JAK2: variants seen among roughly 807,000 people sequenced by gnomAD.
JAK2 encodes the protein Janus kinase 2.
JAK2 carries 86 observed loss-of-function variants against 139.3 expected under a neutral mutation model. The observed-to-expected ratio is 0.62, with a 90% CI of 0.52 to 0.74. The LOEUF (loss-of-function observed/expected upper bound fraction) is 0.74, where lower values mean the gene tolerates loss of function less well. Ranked by LOEUF, JAK2 falls within the 30% of genes least tolerant of loss-of-function variation. JAK2 has a pLI of 0.00. For synonymous variants in JAK2, 490 were observed against 437.7 expected (o/e 1.12, Z -1.49); for missense variants, 1,421 against 1,360.3 (o/e 1.04, Z -0.70).
intron 5 of JAK2, among the ~76,000 whole-genome samples, chr9:5,045,271 T>C (rs1816921678): frequency 1.3e-5 from 2 of 152,142 alleles, no homozygotes; most frequent in Non-Finnish European, 2.9e-5. Flanking sequence ...GCTAATATTG[T>C]AGGAAACAAG....
intron 4 of JAK2, 137 bp from the exon 5 acceptor site, chr9:5,044,265 AT>A: frequency 1.2e-5 from 7 of 603,594 alleles, no homozygotes; most frequent in Non-Finnish European, 2.0e-5. Flanking sequence ...TTTGTCTCAC[AT>A]TTATATTTAA....
intron 2 of JAK2, among the ~76,000 whole-genome samples, chr9:4,999,296 A>C (rs1331336613): frequency 6.6e-6 from 1 of 152,192 alleles, no homozygotes; most frequent in Non-Finnish European, 1.5e-5. Context: ...TCTTAAGTGA[A>C]AGAATCATGA....
At position 5,102,196 on chromosome 9, in the gene JAK2, A is replaced by G. The variant is rs556666355; in HGVS notation, c.3059+11285A>G. ...ATAAACAGTGTAGAGAAGACCTTAA[A>G]TGACCTGATGGAGCTGAAAACCATG... On this transcript the variant is annotated intron_variant, in intron 22 of 24. Coordinates refer to ENST00000381652, the MANE Select transcript of JAK2 (RefSeq NM_004972.4). Among the ~76,000 whole-genome samples, 57 of 152,328 alleles carry G rather than the reference A, an allele frequency of 3.7e-4. No individual in the cohort carries two copies. In the South Asian group the frequency reaches 5.0e-3, roughly 13 times the overall value.
intron 22 of JAK2, chr9:5,112,748 C>A: frequency 2.9e-6 from 2 of 686,844 alleles, no homozygotes; most frequent in Non-Finnish European, 4.5e-6. Context: ...TTTGAAACGG[C>A]GAGAAGAGAA....
In JAK2 at chr9:5,128,930, T is replaced by C. The variant is rs1218271311; in HGVS notation, c.*2139T>C. Among the ~76,000 whole-genome samples the C allele has an allele frequency of 2.0e-5, 3 of 152,040 alleles. No individual in the cohort carries two copies. The highest frequency in any genetic ancestry group is 4.4e-5 in the Non-Finnish European group (3 of 67,890). Reference sequence around the variant, plus strand: ...ATGTAATTCTGTAACTATTCCAGTATATTAAGTTATACAATCTTTATATAA... The same window carrying C: ...ATGTAATTCTGTAACTATTCCAGTACATTAAGTTATACAATCTTTATATAA... On this transcript the variant is annotated 3_prime_UTR_variant, in exon 25 of 25. Coordinates refer to ENST00000381652, the MANE Select transcript of JAK2 (RefSeq NM_004972.4).
chr9:4,989,998 G>T (rs534420348), intron 2 of JAK2, among the ~76,000 whole-genome samples: 1 of 152,228 alleles, frequency 6.6e-6, no homozygotes, highest in Admixed American at 6.5e-5. Flanking sequence ...AGCAGCACCA[G>T]TGCTAGGTCT....
Position 5,090,602 on chromosome 9 carries a change from G to A in JAK2, c.2886+32G>A, listed in dbSNP as rs145818829. 66 of 1,549,872 alleles carry A rather than the reference G, an allele frequency of 4.3e-5. No homozygotes were observed. The East Asian group carries it at 1.5e-3, about 35-fold the overall frequency. On this transcript the variant is annotated intron_variant, in intron 21 of 24. Transcript: ENST00000381652. ...AATATCCTGATTATTTGCTGTAGAT[G>A]AAGCAACCGTGTTGAAGTAGACATT...
chr9:5,084,143 G>T (rs1819910949), intron 19 of JAK2, among the ~76,000 whole-genome samples: 1 of 152,058 alleles, frequency 6.6e-6, no homozygotes, highest in African/African-American at 2.4e-5. Flanking sequence ...TCTAAGGAAG[G>T]CGTTTTCAAA....
intron 22 of JAK2, chr9:5,112,507 CT>C: frequency 2.5e-5 from 14 of 565,298 alleles, no homozygotes; most frequent in South Asian, 4.8e-5. Flanking sequence ...GGAAGATGAC[CT>C]TTTCCCCCCA....
At chr9:5,009,774 A>C (rs1329664932) in intron 2 of JAK2, among the ~76,000 whole-genome samples, 1 of 151,554 alleles carries the variant, frequency 6.6e-6, no homozygotes, top group Non-Finnish European at 1.5e-5. Flanking sequence ...CTTCAGTTAA[A>C]ATTTTTTTTT....
At chr9:5,116,219 C>T (rs1028916336) in intron 22 of JAK2, among the ~76,000 whole-genome samples, 8 of 152,136 alleles carry the variant, frequency 5.3e-5, no homozygotes, top group African/African-American at 1.9e-4. Flanking sequence ...CCCAAGGTGG[C>T]ATGACTAGTA....
intron 2 of JAK2, among the ~76,000 whole-genome samples, chr9:5,007,752 C>G (rs994150990): frequency 1.3e-5 from 2 of 150,908 alleles, no homozygotes; most frequent in African/African-American, 4.9e-5. Flanking sequence ...TGGAGTCTCA[C>G]TCTGTCACCC....
intron 2 of JAK2, among the ~76,000 whole-genome samples, chr9:4,996,254 G>A (rs1436643525): frequency 6.6e-6 from 1 of 152,066 alleles, no homozygotes; most frequent in African/African-American, 2.4e-5. Flanking sequence ...TTCACCACCA[G>A]CCTGACTAAC....
chr9:4,984,687 A>C (rs374760047), upstream of JAK2: 1 of 152,302 alleles, frequency 6.6e-6, no homozygotes, highest in South Asian at 2.1e-4. Flanking sequence ...AAAGCGGAGA[A>C]GTGTGCGGGA....
chr9:4,995,741 A>C (rs10974905), intron 2 of JAK2, among the ~76,000 whole-genome samples: 3,460 of 152,352 alleles, frequency 0.023, 74 homozygotes, highest in Non-Finnish European at 0.038. Context: ...GCATTTAGGA[A>C]TAGAAGCAGA....
intron 2 of JAK2, among the ~76,000 whole-genome samples, chr9:5,021,101 CACTT>C (rs1443709467): frequency 6.6e-6 from 1 of 152,140 alleles, no homozygotes; most frequent in African/African-American, 2.4e-5. Flanking sequence ...GGGAGTCTCT[CACTT>C]ACTCTTTCCC....
chr9:4,996,572 T>C (rs1166264529), intron 2 of JAK2, among the ~76,000 whole-genome samples: 1 of 152,106 alleles, frequency 6.6e-6, no homozygotes, highest in Non-Finnish European at 1.5e-5. Flanking sequence ...TTTTTGGTTT[T>C]TTTGAGGAGG....
At position 5,090,904 on chromosome 9, in the gene JAK2, A is replaced by G; in HGVS notation, c.3052A>G (p.Ile1018Val). The change falls in exon 22 of 25, where the codon ATA becomes GTA. Residue 1018 changes from isoleucine (I) to valine (V), a missense_variant. Transcript: ENST00000381652. ...AGTAAAAGAACCTGGTGAAAGTCCC[A>G]TATTCTGGTGAGTATATTTCAGTAT... ...YKVKEPGESP[I>V]FWYAPESLTE... The G allele has an allele frequency of 6.3e-7, 1 of 1,599,830 alleles. No homozygotes were observed. The highest frequency in any genetic ancestry group is 8.5e-7 in the Non-Finnish European group (1 of 1,174,100).
intron 6 of JAK2, among the ~76,000 whole-genome samples, chr9:5,051,531 C>A (rs1817414201): frequency 6.6e-6 from 1 of 152,094 alleles, no homozygotes; most frequent in Admixed American, 6.6e-5. Flanking sequence ...TTTACAGATG[C>A]TCTAGGGTAT....
Sources: gnomAD v4.1 joint callset for allele counts (sites outside exome capture counted in the v4.1 genomes callset) on GRCh38, gnomAD v4.1.1 for gene constraint, MANE v1.5 for transcripts, NCBI Gene and HGNC (gene_info 2026-07-23, HGNC 2026-07-21) for gene names.